Variants in TLE4 observed in about 807,000 individuals in gnomAD.
TLE4 encodes TLE family member 4, transcriptional corepressor, also known as transducin-like enhancer protein 4.
TLE4 carries 8 observed loss-of-function variants against 92.8 expected under a neutral mutation model. The ratio of observed to expected loss-of-function variants is 0.09; its 90% CI spans 0.05 to 0.16. TLE4 has a LOEUF of 0.16. Among genes scored for constraint, TLE4 ranks in the 10% least tolerant of loss-of-function variants. The probability of loss-of-function intolerance (pLI) is 1.00; values close to 1 mark genes in which losing one functional copy is unlikely to be tolerated. For missense variants in TLE4, 675 were observed against 997.6 expected (o/e 0.68, Z 4.36); for synonymous variants, 371 against 374.1 (o/e 0.99, Z 0.10).
chr9:79,652,281 G>A (rs1298229263), intron 6 of TLE4, among the ~76,000 whole-genome samples: 1 of 152,042 alleles, frequency 6.6e-6, no homozygotes, highest in Admixed American at 6.6e-5. Flanking sequence ...CCACCTCCCG[G>A]GTTCACGCCA....
chr9:79,685,872 A>T (rs2065735670), intron 8 of TLE4, among the ~76,000 whole-genome samples: 1 of 152,178 alleles, frequency 6.6e-6, no homozygotes, highest in Non-Finnish European at 1.5e-5. Context: ...TTCATAATTG[A>T]GACATTAGTG....
At chr9:79,693,595 A>G (rs1278882996) in intron 8 of TLE4, 2 of 484,178 alleles carry the variant, frequency 4.1e-6, no homozygotes, top group South Asian at 3.1e-5. Flanking sequence ...GCGGTGGGAC[A>G]TGCATGCACA....
intron 8 of TLE4, among the ~76,000 whole-genome samples, chr9:79,692,585 T>C (rs1253615249): frequency 6.6e-6 from 1 of 152,188 alleles, no homozygotes; most frequent in Non-Finnish European, 1.5e-5. Flanking sequence ...GGTGCTATGA[T>C]AAACTACCAT....
At chr9:79,723,274 G>T in intron 19 of TLE4, among the ~76,000 whole-genome samples, 1 of 152,196 alleles carries the variant, frequency 6.6e-6, no homozygotes, top group Non-Finnish European at 1.5e-5. Context: ...AGTGCTCACT[G>T]TTGCTTCATC....
chr9:79,639,925 T>G (rs536237520), intron 6 of TLE4, among the ~76,000 whole-genome samples: 4 of 152,198 alleles, frequency 2.6e-5, no homozygotes, highest in African/African-American at 9.6e-5. Flanking sequence ...TCATGACTTA[T>G]GTATATCAAA....
At chr9:79,614,063 G>A (rs1245057648) in intron 5 of TLE4, among the ~76,000 whole-genome samples, 1 of 152,156 alleles carries the variant, frequency 6.6e-6, no homozygotes, top group African/African-American at 2.4e-5. Context: ...TGGTGAATGA[G>A]AGTCAAGGGG....
At chr9:79,599,464 T>C (rs2045003507) in intron 4 of TLE4, among the ~76,000 whole-genome samples, 1 of 152,188 alleles carries the variant, frequency 6.6e-6, no homozygotes, top group Non-Finnish European at 1.5e-5. Flanking sequence ...CTAGTAATGC[T>C]GATGTAAGGC....
chr9:79,666,514 C>T (rs1461548392), intron 8 of TLE4, among the ~76,000 whole-genome samples: 2 of 152,202 alleles, frequency 1.3e-5, no homozygotes, highest in Non-Finnish European at 2.9e-5. Context: ...GTTGGGATTA[C>T]AGGCGTGAGC....
chr9:79,689,471 A>C lies in TLE4; in HGVS notation c.610-15312A>C, dbSNP rs115545345. Among the ~76,000 whole-genome samples, 1,010 of 152,270 alleles carry C rather than the reference A, an allele frequency of 6.6e-3. 11 individuals carry two copies. The highest frequency in any genetic ancestry group is 0.023 in the African/African-American group (971 of 41,550). On this transcript the variant is annotated intron_variant, in intron 8 of 19. Transcript: ENST00000376552. ...ACCTGAGGATGGGCAATTATCTCATAATGCCCACTTTATTGAGATTATTGT... is the reference window on the plus strand; with the variant it reads ...ACCTGAGGATGGGCAATTATCTCATCATGCCCACTTTATTGAGATTATTGT...
At position 79,725,646 on chromosome 9, in the gene TLE4, A is replaced by G. The variant is rs1819531118; in HGVS notation, c.*502A>G. The G allele has an allele frequency of 6.7e-6, 1 of 149,714 alleles. No individual in the cohort carries two copies. The highest frequency in any genetic ancestry group is 1.5e-5 in the Non-Finnish European group (1 of 67,680). The allele number at this position is 149,714 out of a possible 1,614,324, so 9.3% of individuals were successfully genotyped here. A position where few individuals can be genotyped will look rare whatever the true frequency, so the allele number is the denominator to read the frequency against. ...GAAATGTATAATTACACATGGAAGCAATATGTTGCTGTGTTGTTATTAGGT... is the reference window on the plus strand; with the variant it reads ...GAAATGTATAATTACACATGGAAGCGATATGTTGCTGTGTTGTTATTAGGT... On this transcript the variant is annotated 3_prime_UTR_variant, in exon 20 of 20. Transcript: ENST00000376552.
chr9:79,621,190 A>C (rs1183534754), intron 5 of TLE4, among the ~76,000 whole-genome samples: 1 of 152,210 alleles, frequency 6.6e-6, no homozygotes, highest in Non-Finnish European at 1.5e-5. Context: ...TTGCTGAAAA[A>C]GGCTTTTAGT....
intron 4 of TLE4, among the ~76,000 whole-genome samples, chr9:79,578,721 C>A (rs939513684): frequency 2.6e-5 from 4 of 152,008 alleles, no homozygotes; most frequent in Non-Finnish European, 5.9e-5. Flanking sequence ...TGGATTTAAT[C>A]TTAATTAAGC....
At chr9:79,637,655 T>G (rs1476694523) in intron 6 of TLE4, among the ~76,000 whole-genome samples, 1 of 152,210 alleles carries the variant, frequency 6.6e-6, no homozygotes, top group Non-Finnish European at 1.5e-5. Context: ...AGTTGGATAC[T>G]CTTGACTCAT....
intron 6 of TLE4, among the ~76,000 whole-genome samples, chr9:79,647,460 T>G (rs2134071660): frequency 6.6e-6 from 1 of 152,310 alleles, no homozygotes; most frequent in African/African-American, 2.4e-5. Context: ...AAGTTCTGTA[T>G]GTTCGATCAC....
intron 6 of TLE4, among the ~76,000 whole-genome samples, chr9:79,630,337 GA>G (rs1399247338): frequency 1.3e-5 from 2 of 152,162 alleles, no homozygotes; most frequent in Admixed American, 1.3e-4. Flanking sequence ...TTAATGGAAT[GA>G]AACACAGTTA....
intron 8 of TLE4, among the ~76,000 whole-genome samples, chr9:79,703,378 C>T (rs948063932): frequency 2.6e-5 from 4 of 152,178 alleles, no homozygotes; most frequent in Admixed American, 2.0e-4. Context: ...GTCCAGCTCC[C>T]GCTCTCCCAC....
At chr9:79,609,823 A>G (rs1402785525) in intron 4 of TLE4, among the ~76,000 whole-genome samples, 1 of 152,082 alleles carries the variant, frequency 6.6e-6, no homozygotes, top group Non-Finnish European at 1.5e-5. Flanking sequence ...TCAGGGATGC[A>G]TGACCCACAT....
intron 4 of TLE4, among the ~76,000 whole-genome samples, chr9:79,612,032 A>G (rs916258635): frequency 2.0e-5 from 3 of 151,886 alleles, no homozygotes; most frequent in Admixed American, 1.3e-4. Flanking sequence ...GCATATCTCA[A>G]CCTCTGCACA....
intron 8 of TLE4, among the ~76,000 whole-genome samples, chr9:79,690,467 T>C (rs2066810527): frequency 6.6e-6 from 1 of 152,226 alleles, no homozygotes; most frequent in African/African-American, 2.4e-5. Flanking sequence ...AATTTAATTC[T>C]GGTTGATTAG....
Sources: gnomAD v4.1 joint callset for allele counts (sites outside exome capture counted in the v4.1 genomes callset) on GRCh38, gnomAD v4.1.1 for gene constraint, MANE v1.5 for transcripts, NCBI Gene and HGNC (gene_info 2026-07-23, HGNC 2026-07-21) for gene names.